Variants in CDHR2 observed in about 807,000 individuals in gnomAD.
CDHR2 encodes the protein cadherin related family member 2, also known as cadherin-related family member 2.
A neutral mutation model predicts 138.6 loss-of-function variants in CDHR2; 104 were observed. The ratio of observed to expected loss-of-function variants is 0.75; its 90% CI spans 0.64 to 0.88. The LOEUF is 0.88. CDHR2 is among the 40% of genes least tolerant of loss of function. The pLI is 0.00. For synonymous variants in CDHR2, 755 were observed against 742.8 expected, an observed-to-expected ratio of 1.02 and a Z score of -0.27; for missense variants, 1,624 against 1,727.6, an observed-to-expected ratio of 0.94 and a Z score of 1.06.
At chr5:176,580,931 T>C (rs1398121118) in intron 16 of CDHR2, among the ~76,000 whole-genome samples, 4 of 152,188 alleles carry the variant, frequency 2.6e-5, no homozygotes, top group South Asian at 2.1e-4. Flanking sequence ...GTAGTCATTA[T>C]GGGAAAATGA....
At chr5:176,565,800 T>C in intron 3 of CDHR2, 57 bp downstream of exon 3, 1 of 1,431,824 alleles carries the variant, frequency 7.0e-7, no homozygotes, top group Non-Finnish European at 9.7e-7. Flanking sequence ...AGGAAAGTCC[T>C]GGGGTGCCCT....
At chr5:176,560,406 A>G (rs1287426137) in intron 1 of CDHR2, among the ~76,000 whole-genome samples, 2 of 151,490 alleles carry the variant, frequency 1.3e-5, no homozygotes, top group Admixed American at 1.3e-4. Context: ...CAATAAATAA[A>G]TTAAAAAAAA....
At chr5:176,561,036 T>A (rs1011754418) in intron 1 of CDHR2, among the ~76,000 whole-genome samples, 5 of 152,100 alleles carry the variant, frequency 3.3e-5, no homozygotes, top group African/African-American at 1.2e-4. Context: ...AGGGCAGAGT[T>A]CTCCGGAAGA....
chr5:176,569,719 G>A (rs1181082623), intron 5 of CDHR2, among the ~76,000 whole-genome samples: 1 of 152,094 alleles, frequency 6.6e-6, no homozygotes. Context: ...CCCACTTTGG[G>A]AGGCCGAGGT....
chr5:176,590,041 A>G (rs747799452), intron 24 of CDHR2, 37 bp from the exon 25 acceptor site: 44 of 1,562,872 alleles, frequency 2.8e-5, no homozygotes, highest in Non-Finnish European at 3.8e-5. Context: ...GCCCAGGCTA[A>G]GACCCCAGGC....
At chr5:176,561,054 C>T (rs1757955607) in intron 1 of CDHR2, among the ~76,000 whole-genome samples, 1 of 152,178 alleles carries the variant, frequency 6.6e-6, no homozygotes, top group Non-Finnish European at 1.5e-5. Context: ...AGAGAGGAAC[C>T]AGGAATGGGA....
At chr5:176,586,994 A>C in intron 21 of CDHR2, 152 bp downstream of exon 21, 1 of 647,684 alleles carries the variant, frequency 1.5e-6, no homozygotes, top group East Asian at 2.7e-5. Context: ...TGTCTAATCA[A>C]TGTAATCAAA....
Position 176,568,739 on chromosome 5 carries a change from G to GAGC in CDHR2, c.187_189dup (p.Ser63dup). The GAGC allele has an allele frequency of 1.9e-6, 3 of 1,614,242 alleles. No homozygotes were observed. The highest frequency in any genetic ancestry group is 2.5e-6 in the Non-Finnish European group (3 of 1,180,038). On this transcript the variant is annotated inframe_insertion, in exon 4 of 32. Coordinates refer to ENST00000261944, the MANE Select transcript of CDHR2 (RefSeq NM_017675.6). ...ACAATGACCCTCTGACCTATGGGAT[G>GAGC]AGCGGCCCCAATGCCTACTTCTTCG...
At chr5:176,545,269 G>A (rs1406777996), upstream of CDHR2, among the ~76,000 whole-genome samples, 2 of 152,062 alleles carry the variant, frequency 1.3e-5, no homozygotes, top group African/African-American at 4.8e-5. Context: ...CACTACAGGT[G>A]CACGCCACCA....
intron 2 of CDHR2, 45 bp downstream of exon 2, chr5:176,565,449 C>G: frequency 6.4e-7 from 1 of 1,570,578 alleles, no homozygotes; most frequent in Non-Finnish European, 8.8e-7. Flanking sequence ...ACCTAGAGAC[C>G]CTTGGCAGGA....
upstream of CDHR2, among the ~76,000 whole-genome samples, chr5:176,547,941 A>G (rs941101230): frequency 8.5e-5 from 13 of 152,188 alleles, no homozygotes; most frequent in African/African-American, 3.1e-4. Flanking sequence ...CAACGGGGAC[A>G]CCTTCTGGGA....
chr5:176,592,682 C>T lies in CDHR2; in HGVS notation c.3735-41C>T, dbSNP rs202197851. On this transcript the variant is annotated intron_variant, in intron 30 of 31. Transcript: ENST00000261944. ...GGTTCTTGGGCACAGTAAGGGAGGA[C>T]TGGGCCTGCCAACACCTGAGCTCCA... 132 of 1,592,750 alleles carry T rather than the reference C, an allele frequency of 8.3e-5. 1 individual carries two copies. In the Admixed American group the frequency reaches 1.1e-3, roughly 13 times the overall value.
rs763771186 is a variant in CDHR2, at chr5:176,585,953, G to A, written c.2735-1G>A. 1.2e-6 allele frequency: 2 copies of A among 1,612,954 alleles called. No homozygotes were observed. The highest frequency in any genetic ancestry group is 4.5e-5 in the East Asian group (2 of 44,884). On this transcript the variant is annotated splice_acceptor_variant, in intron 19 of 31. Coordinates refer to ENST00000261944, the MANE Select transcript of CDHR2 (RefSeq NM_017675.6). LOFTEE classifies it high-confidence loss of function. Reference sequence around the variant, plus strand: ...CAAAGCCAGCTGACCTTGTCTCCTAGGAAGCCTCCTCATTACCATTGAGGA... The same window carrying A: ...CAAAGCCAGCTGACCTTGTCTCCTAAGAAGCCTCCTCATTACCATTGAGGA...
At position 176,584,068 on chromosome 5, in the gene CDHR2, C is replaced by T. The variant is rs1457937829; in HGVS notation, c.2059-122C>T. Reference sequence around the variant, plus strand: ...CCTGTCTCCTCATCTGGGAAGTGGGCAGTGAGGTCTGAGGCACTAGTAGAG... The same window carrying T: ...CCTGTCTCCTCATCTGGGAAGTGGGTAGTGAGGTCTGAGGCACTAGTAGAG... On this transcript the variant is annotated intron_variant, in intron 17 of 31. Coordinates refer to ENST00000261944, the MANE Select transcript of CDHR2 (RefSeq NM_017675.6). The T allele has an allele frequency of 5.0e-6, 4 of 796,048 alleles. No homozygotes were observed. In the Admixed American group the frequency reaches 6.2e-5, roughly 12 times the overall value. The allele number at this position is 796,048 out of a possible 1,614,324, so 49.3% of individuals were successfully genotyped here.
intron 24 of CDHR2, 100 bp from the exon 25 acceptor site, chr5:176,589,978 G>A (rs751486217): frequency 3.3e-5 from 31 of 935,366 alleles, no homozygotes; most frequent in Admixed American, 8.8e-5. Context: ...CAGAGGAGGT[G>A]CCCTTTCTCA....
chr5:176,592,309 G>T (rs1377618692), intron 30 of CDHR2, among the ~76,000 whole-genome samples: 2 of 150,068 alleles, frequency 1.3e-5, no homozygotes, highest in Non-Finnish European at 3.0e-5. Flanking sequence ...TGGTGATGGT[G>T]GTGGTGGTGG....
Position 176,574,085 on chromosome 5 carries a change from C to T in CDHR2, c.408C>T (p.Thr136=). 1 of 1,613,368 alleles carries T rather than the reference C, an allele frequency of 6.2e-7. No homozygotes were observed. The highest frequency in any genetic ancestry group is 8.5e-7 in the Non-Finnish European group (1 of 1,179,486). The change falls in exon 7 of 32, where the codon ACC becomes ACT. Residue 136 remains threonine (T), a splice_region_variant and synonymous_variant. Coordinates refer to ENST00000261944, the MANE Select transcript of CDHR2 (RefSeq NM_017675.6). ...AGGTGACGAGTCCCTCCCTGCAGAC[C>T]CTGCCCGTGGGCAGTGTGGTGTTCT... is the stretch of plus-strand genomic sequence containing the variant. The part of the protein sequence containing the change: ...NTAFSTSINE[T]LPVGSVVFSV...
intron 7 of CDHR2, among the ~76,000 whole-genome samples, 187 bp downstream of exon 7, chr5:176,574,359 G>A (rs1758309990): frequency 1.3e-5 from 2 of 152,190 alleles, no homozygotes; most frequent in South Asian, 4.1e-4. Flanking sequence ...CTTACCTAAA[G>A]AGGGTGCCTG....
intron 1 of CDHR2, among the ~76,000 whole-genome samples, chr5:176,560,735 T>C (rs1264268633): frequency 6.6e-6 from 1 of 152,216 alleles, no homozygotes; most frequent in Non-Finnish European, 1.5e-5. Flanking sequence ...ACCCAGTAAC[T>C]ATTTACTGAG....
Sources: allele counts gnomAD v4.1 joint callset (sites outside exome capture counted in the v4.1 genomes callset), GRCh38; gene constraint gnomAD v4.1.1; transcripts MANE v1.5; gene names NCBI Gene and HGNC (gene_info 2026-07-23, HGNC 2026-07-21).